The following CKAP5 variants were observed in gnomAD, a reference collection of about 807,000 sequenced individuals.
CKAP5 encodes the protein cytoskeleton-associated protein 5.
In CKAP5, 27 loss-of-function variants were observed where a neutral mutation model predicts 232.8. That is an observed-to-expected ratio of 0.12 (90% CI 0.09 to 0.16). The LOEUF is 0.16. Ranked by LOEUF, CKAP5 falls within the 10% of genes least tolerant of loss-of-function variation. The probability of loss-of-function intolerance (pLI) is 1.00; values close to 1 mark genes in which losing one functional copy is unlikely to be tolerated. For missense variants in CKAP5, 1,838 were observed against 2,424.7 expected, an observed-to-expected ratio of 0.76 and a Z score of 5.08; for synonymous variants, 785 against 841.1, an observed-to-expected ratio of 0.93 and a Z score of 1.16.
intron 26 of CKAP5, among the ~76,000 whole-genome samples, chr11:46,768,083 ACTGTGCCT>A (rs2065218237): frequency 6.6e-6 from 1 of 152,132 alleles, no homozygotes; most frequent in African/African-American, 2.4e-5. Flanking sequence ...GGCGTGAGTC[ACTGTGCCT>A]GGCTTAGATT....
chr11:46,844,364 C>T (rs1191712157), intron 1 of CKAP5, among the ~76,000 whole-genome samples: 1 of 152,212 alleles, frequency 6.6e-6, no homozygotes, highest in East Asian at 1.9e-4. Context: ...CCCTACGCCT[C>T]TCTTCATCTG....
At chr11:46,792,980 C>T (rs1481503215) in intron 13 of CKAP5, among the ~76,000 whole-genome samples, 1 of 152,154 alleles carries the variant, frequency 6.6e-6, no homozygotes, top group Non-Finnish European at 1.5e-5. Context: ...TAAATCCCAG[C>T]TCTGCCACTC....
chr11:46,752,484 A>G (rs755432065), intron 38 of CKAP5, 151 bp downstream of exon 38: 1 of 503,556 alleles, frequency 2.0e-6, no homozygotes, highest in Non-Finnish European at 3.3e-6. Flanking sequence ...TTAAAAATTT[A>G]TTAATATTTT....
Position 46,813,865 on chromosome 11 carries a change from T to C in CKAP5, c.458+2333A>G, listed in dbSNP as rs568872727. 8.5e-5 allele frequency among the ~76,000 whole-genome samples: 13 copies of C among 152,200 alleles called. No homozygotes were observed. The South Asian group carries it at 2.7e-3, about 32-fold the overall frequency. ...GTAGAAGATTATAGGCCAGGTGCGG[T>C]TGCTTATGTCTGTAATCCCAGCACT... On this transcript the variant is annotated intron_variant, in intron 4 of 43. Transcript: ENST00000529230.
chr11:46,768,731 GCCA>G (rs1565725735), intron 26 of CKAP5, among the ~76,000 whole-genome samples: 1 of 149,750 alleles, frequency 6.7e-6, no homozygotes, highest in African/African-American at 2.5e-5. Context: ...ACAGGTGTGC[GCCA>G]CCAAGACTAG....
rs1302026301 is a variant in CKAP5 at position 46,778,518 on chromosome 11, C to A, written c.2515G>T (p.Asp839Tyr). 1.2e-6 allele frequency: 2 copies of A among 1,614,002 alleles called. No individual in the cohort carries two copies. The highest frequency in any genetic ancestry group is 2.7e-5 in the African/African-American group (2 of 74,942). ...TSGTDEGEDGDEPDDGSNDVV... is the reference protein window; with the variant it reads ...TSGTDEGEDGYEPDDGSNDVV... Reference sequence around the variant, plus strand: ...TCATTGCTCCCGTCATCTGGTTCATCTCCATCTTCTCCTTCATCTGTACCA... The same window carrying A: ...TCATTGCTCCCGTCATCTGGTTCATATCCATCTTCTCCTTCATCTGTACCA... Residue 839 changes from aspartate to tyrosine, a missense_variant, in exon 21 of 44, where the codon GAT (aspartate) becomes TAT (tyrosine). By Grantham distance (160) the Asp-to-Tyr change is radical. Around this residue, in one of 6 missense-constraint regions of CKAP5, gnomAD observed 767 missense variants for 954.6 expected, o/e 0.80. Transcript: ENST00000529230.
At chr11:46,806,422 T>C (rs532947020) in intron 8 of CKAP5, among the ~76,000 whole-genome samples, 7 of 152,310 alleles carry the variant, frequency 4.6e-5, no homozygotes, top group East Asian at 3.9e-4. Context: ...GCTGGAAGAA[T>C]TGACAGAGAA....
At chr11:46,763,354 A>C (rs2065172548) in intron 29 of CKAP5, 127 bp downstream of exon 29, 2 of 1,002,124 alleles carry the variant, frequency 2.0e-6, no homozygotes, top group Non-Finnish European at 2.9e-6. Flanking sequence ...CCAAATAACA[A>C]GACAGCTCTA....
rs1212311054 is a variant in CKAP5, at chr11:46,750,446, A to C, written c.5545-13T>G. 1 of 1,613,702 alleles carries C rather than the reference A, an allele frequency of 6.2e-7. No individual in the cohort carries two copies. The highest frequency in any genetic ancestry group is 1.3e-5 in the African/African-American group (1 of 75,028). ...ACTCTGCTAGTCCCTGGTGAACAGG[A>C]AAAGGGAAGAGGTGGGGATGAATGT... is the stretch of plus-strand genomic sequence containing the variant. On this transcript the variant is annotated splice_polypyrimidine_tract_variant and intron_variant, in intron 41 of 43. Transcript: ENST00000529230.
chr11:46,769,396 T>C (rs1001927708), intron 26 of CKAP5, among the ~76,000 whole-genome samples: 2 of 152,206 alleles, frequency 1.3e-5, no homozygotes, highest in Non-Finnish European at 1.5e-5. Flanking sequence ...TAATGTACTA[T>C]TCCAAAACTC....
chr11:46,808,201 C>A, intron 7 of CKAP5, 57 bp from the exon 8 acceptor site: 1 of 1,089,704 alleles, frequency 9.2e-7, no homozygotes. Flanking sequence ...GAATAAAAGT[C>A]TATTTATTGC....
At chr11:46,841,025 T>C (rs566912502) in intron 1 of CKAP5, among the ~76,000 whole-genome samples, 23 of 152,070 alleles carry the variant, frequency 1.5e-4, no homozygotes, top group Non-Finnish European at 2.4e-4. Context: ...TCCCAGCACT[T>C]TGGGAGGCTG....
intron 2 of CKAP5, among the ~76,000 whole-genome samples, chr11:46,819,298 T>A (rs577054183): frequency 1.3e-5 from 2 of 152,080 alleles, no homozygotes; most frequent in Admixed American, 1.3e-4. Context: ...CAAGGCCCTA[T>A]GGCAGCAGGG....
At position 46,795,262 on chromosome 11, in the gene CKAP5, A is replaced by T. The variant is rs554459617; in HGVS notation, c.1650+332T>A. On this transcript the variant is annotated intron_variant, in intron 13 of 43. Coordinates refer to ENST00000529230, the MANE Select transcript of CKAP5 (RefSeq NM_001008938.4). ...AGGATCACTTGAACCTGGGAGGCGGAGGTTGCAGTGAGCCAAGATTGCATC... is the reference window on the plus strand; with the variant it reads ...AGGATCACTTGAACCTGGGAGGCGGTGGTTGCAGTGAGCCAAGATTGCATC... Among the ~76,000 whole-genome samples the T allele has an allele frequency of 2.0e-5, 3 of 152,004 alleles. No homozygotes were observed. The South Asian group carries it at 6.2e-4, about 32-fold the overall frequency.
At chr11:46,794,033 G>A (rs961207391) in intron 13 of CKAP5, among the ~76,000 whole-genome samples, 13 of 152,180 alleles carry the variant, frequency 8.5e-5, no homozygotes, top group Admixed American at 3.3e-4. Context: ...TTCAACAAAT[G>A]GTGCTGGGAA....
chr11:46,788,837 T>C, intron 15 of CKAP5, 64 bp from the exon 16 acceptor site: 8 of 1,180,810 alleles, frequency 6.8e-6, no homozygotes, highest in Non-Finnish European at 9.9e-6. Flanking sequence ...GAAGAGTAAA[T>C]ACCAAAGTCA....
At chr11:46,752,915 G>GTTTGTGACTCTAAGTGTAAGT (rs1413252650) in intron 37 of CKAP5, among the ~76,000 whole-genome samples, 4 of 152,138 alleles carry the variant, frequency 2.6e-5, no homozygotes, top group African/African-American at 4.8e-5. Context: ...TAAGTGTAAG[G>GTTTGTGACTCTAAGTGTAAGT]TTTGTGACTC....
chr11:46,764,556 A>G (rs1032785503), intron 28 of CKAP5, among the ~76,000 whole-genome samples: 3 of 152,226 alleles, frequency 2.0e-5, no homozygotes, highest in African/African-American at 7.2e-5. Context: ...ATCTGTATAA[A>G]AGGAGGGCTA....
chr11:46,791,119 T>C (rs916239239), intron 13 of CKAP5, among the ~76,000 whole-genome samples: 2 of 152,222 alleles, frequency 1.3e-5, no homozygotes, highest in Admixed American at 6.5e-5. Flanking sequence ...AGACCCCATA[T>C]TAAAAACTTG....
Sources: gnomAD v4.1 joint callset for allele counts (sites outside exome capture counted in the v4.1 genomes callset) on GRCh38, gnomAD v4.1.1 for gene constraint, gnomAD v4.1.1 regional missense constraint, MANE v1.5 for transcripts, NCBI Gene and HGNC (gene_info 2026-07-23, HGNC 2026-07-21) for gene names.